The following MIS18A variants were observed in gnomAD, a reference collection of about 807,000 sequenced individuals.
MIS18A encodes the protein protein Mis18-alpha.
In MIS18A, 14 loss-of-function variants were observed where a neutral mutation model predicts 25.0. That is an observed-to-expected ratio of 0.56 (90% CI 0.37 to 0.88). The LOEUF (loss-of-function observed/expected upper bound fraction) is 0.88, where lower values mean the gene tolerates loss of function less well. MIS18A is among the 40% of genes least tolerant of loss of function. The probability of loss-of-function intolerance (pLI) is 0.00; values close to 1 mark genes in which losing one functional copy is unlikely to be tolerated. For synonymous variants in MIS18A, 134 were observed against 118.6 expected, an observed-to-expected ratio of 1.13 and a Z score of -0.84; for missense variants, 292 against 290.8, an observed-to-expected ratio of 1.00 and a Z score of -0.03.
the MIS18A span, among the ~76,000 whole-genome samples, chr21:32,202,515 A>T: frequency 6.6e-6 from 1 of 152,206 alleles, no homozygotes; most frequent in Admixed American, 6.5e-5. Flanking sequence ...ACCATTTCTA[A>T]GTGTTCGAGG....
the MIS18A span, among the ~76,000 whole-genome samples, chr21:32,185,400 T>G: frequency 6.6e-6 from 1 of 152,112 alleles, no homozygotes; most frequent in Admixed American, 6.5e-5. Context: ...CTTCCAGAGG[T>G]AGTGCTCCCA....
At chr21:32,196,227 C>A in the MIS18A span, among the ~76,000 whole-genome samples, 22,819 of 151,956 alleles carry the variant, frequency 0.15, 1,824 homozygotes, top group East Asian at 0.24. Flanking sequence ...TGTTGAAGGA[C>A]TGAATGGAAA....
chr21:32,231,569 C>T, the MIS18A span, among the ~76,000 whole-genome samples: 15 of 152,100 alleles, frequency 9.9e-5, no homozygotes, highest in South Asian at 2.1e-4. Flanking sequence ...GAAATTTGAA[C>T]GCTCATATGC....
At chr21:32,189,661 GCTCT>G in the MIS18A span, among the ~76,000 whole-genome samples, 1 of 152,084 alleles carries the variant, frequency 6.6e-6, no homozygotes, top group Non-Finnish European at 1.5e-5. Context: ...ATCATGCAGT[GCTCT>G]CTGTCTTTCC....
chr21:32,218,155 T>C, the MIS18A span, among the ~76,000 whole-genome samples: 5 of 133,672 alleles, frequency 3.7e-5, no homozygotes, highest in African/African-American at 1.5e-4. Context: ...ATCGGGCCAC[T>C]GCATTCTAGC....
At chr21:32,224,254 C>T in the MIS18A span, among the ~76,000 whole-genome samples, 8 of 149,220 alleles carry the variant, frequency 5.4e-5, no homozygotes, top group Non-Finnish European at 8.9e-5. Context: ...TCCTATTCAA[C>T]ATAGTGTTGG....
the MIS18A span, among the ~76,000 whole-genome samples, chr21:32,244,407 C>A: frequency 6.2e-4 from 94 of 152,102 alleles, no homozygotes; most frequent in Non-Finnish European, 1.0e-3. Context: ...CTAATTTGAT[C>A]CTTTGTAAAA....
At chr21:32,275,750 G>C (rs1179965865) in intron 1 of MIS18A, among the ~76,000 whole-genome samples, 1 of 151,984 alleles carries the variant, frequency 6.6e-6, no homozygotes, top group Admixed American at 6.6e-5. Flanking sequence ...TCAGAAACCA[G>C]GGTGTCATCC....
the MIS18A span, among the ~76,000 whole-genome samples, chr21:32,219,169 A>C: frequency 3.3e-5 from 5 of 152,290 alleles, no homozygotes; most frequent in Admixed American, 3.3e-4. Flanking sequence ...TTAAAAATGC[A>C]TTATTCGGGG....
chr21:32,260,187 C>T, the MIS18A span: 1 of 148,772 alleles, frequency 6.7e-6, no homozygotes, highest in Non-Finnish European at 1.5e-5. Flanking sequence ...CTCTGGAAAA[C>T]ACAACCCTAG....
At chr21:32,157,220 C>A in the MIS18A span, among the ~76,000 whole-genome samples, 1 of 70,240 alleles carries the variant, frequency 1.4e-5, no homozygotes. Context: ...CCGTACCCGG[C>A]TAATTTTTTT....
chr21:32,195,825 G>C, the MIS18A span, among the ~76,000 whole-genome samples: 2 of 151,996 alleles, frequency 1.3e-5, no homozygotes, highest in South Asian at 4.2e-4. Flanking sequence ...TTCGAGACCA[G>C]CCTGGCCAAC....
At chr21:32,181,403 A>G in the MIS18A span, among the ~76,000 whole-genome samples, 2 of 152,176 alleles carry the variant, frequency 1.3e-5, no homozygotes, top group African/African-American at 2.4e-5. Context: ...AGATATAGAC[A>G]TTAATATGCT....
chr21:32,163,235 T>C, the MIS18A span, among the ~76,000 whole-genome samples: 1 of 152,180 alleles, frequency 6.6e-6, no homozygotes, highest in African/African-American at 2.4e-5. Context: ...AATGACCATG[T>C]TTGCCAAATT....
chr21:32,241,477 T>C, the MIS18A span, among the ~76,000 whole-genome samples: 22 of 152,130 alleles, frequency 1.4e-4, no homozygotes, highest in Admixed American at 1.2e-3. Flanking sequence ...TCAGTGAAGA[T>C]GGTGTGGCAG....
At chr21:32,164,360 G>A in the MIS18A span, among the ~76,000 whole-genome samples, 1 of 152,260 alleles carries the variant, frequency 6.6e-6, no homozygotes, top group East Asian at 1.9e-4. Context: ...ACCGGCGTGA[G>A]AGTACTCAGG....
the MIS18A span, among the ~76,000 whole-genome samples, chr21:32,221,433 G>A: frequency 6.6e-6 from 1 of 152,160 alleles, no homozygotes; most frequent in African/African-American, 2.4e-5. Flanking sequence ...CAAATGCTGA[G>A]GGATTTTGTC....
chr21:32,238,881 A>T, the MIS18A span, among the ~76,000 whole-genome samples: 2 of 152,236 alleles, frequency 1.3e-5, no homozygotes, highest in African/African-American at 4.8e-5. Context: ...TCCAATGTAC[A>T]ATTCGACGTT....
the MIS18A span, among the ~76,000 whole-genome samples, chr21:32,249,662 G>A: frequency 6.6e-6 from 1 of 152,106 alleles, no homozygotes; most frequent in African/African-American, 2.4e-5. Flanking sequence ...ACGTGGCACC[G>A]GCATCTGCTT....
Sources: allele counts gnomAD v4.1 joint callset (sites outside exome capture counted in the v4.1 genomes callset), GRCh38; gene constraint gnomAD v4.1.1; transcripts MANE v1.5; gene names NCBI Gene and HGNC (gene_info 2026-07-23, HGNC 2026-07-21).